The following DPYSL3 variants were observed in gnomAD, a reference collection of about 807,000 sequenced individuals.
DPYSL3 encodes dihydropyrimidinase-related protein 3.
Under a neutral mutation model 66.1 loss-of-function variants are expected in DPYSL3, and 16 were observed. That is an observed-to-expected ratio of 0.24 (90% CI 0.16 to 0.37). The LOEUF (loss-of-function observed/expected upper bound fraction) is 0.37. Among genes scored for constraint, DPYSL3 ranks in the 10% least tolerant of loss-of-function variants. The probability of loss-of-function intolerance (pLI) is 1.00; values close to 1 mark genes in which losing one functional copy is unlikely to be tolerated. For synonymous variants in DPYSL3, 338 were observed against 345.1 expected, an observed-to-expected ratio of 0.98 and a Z score of 0.23; for missense variants, 738 against 916.2, an observed-to-expected ratio of 0.81 and a Z score of 2.51.
chr5:147,428,262 A>G (rs865774699), intron 1 of DPYSL3, among the ~76,000 whole-genome samples: 13 of 152,210 alleles, frequency 8.5e-5, no homozygotes, highest in African/African-American at 2.9e-4. Flanking sequence ...ACAAATATTA[A>G]CATTATTAAT....
chr5:147,497,013 G>A (rs1450732892), intron 1 of DPYSL3, among the ~76,000 whole-genome samples: 1 of 152,056 alleles, frequency 6.6e-6, no homozygotes, highest in Non-Finnish European at 1.5e-5. Context: ...ATGTCCAACA[G>A]CGATAGACTG....
chr5:147,451,068 T>C (rs1201169766), intron 1 of DPYSL3, among the ~76,000 whole-genome samples: 1 of 152,252 alleles, frequency 6.6e-6, no homozygotes, highest in Non-Finnish European at 1.5e-5. Context: ...TAGACAACTA[T>C]AATCTTCTAT....
chr5:147,428,156 G>A (rs529611488), intron 1 of DPYSL3, among the ~76,000 whole-genome samples: 14 of 152,256 alleles, frequency 9.2e-5, no homozygotes, highest in Middle Eastern at 3.4e-3. Flanking sequence ...AATCTTTCTG[G>A]CTCAATAATC....
At chr5:147,455,831 G>A (rs1752841777) in intron 1 of DPYSL3, among the ~76,000 whole-genome samples, 1 of 151,340 alleles carries the variant, frequency 6.6e-6, no homozygotes, top group African/African-American at 2.4e-5. Flanking sequence ...TTACATCTGA[G>A]TTATCTCCTC....
intron 1 of DPYSL3, among the ~76,000 whole-genome samples, chr5:147,455,483 G>T (rs1454538629): frequency 6.6e-6 from 1 of 152,178 alleles, no homozygotes; most frequent in Non-Finnish European, 1.5e-5. Context: ...TGGGCCAAAG[G>T]CACGCCCTAA....
At chr5:147,480,147 G>A (rs558231158) in intron 1 of DPYSL3, among the ~76,000 whole-genome samples, 5 of 152,158 alleles carry the variant, frequency 3.3e-5, no homozygotes, top group South Asian at 4.1e-4. Flanking sequence ...AATAAAAGGC[G>A]AAAGAAAGGA....
intron 1 of DPYSL3, among the ~76,000 whole-genome samples, chr5:147,450,336 G>C (rs1752704480): frequency 6.6e-6 from 1 of 152,056 alleles, no homozygotes; most frequent in Non-Finnish European, 1.5e-5. Flanking sequence ...CTATTATTAG[G>C]AACAATTTTA....
chr5:147,405,817 G>A (rs1414245576), intron 7 of DPYSL3, 87 bp from the exon 8 acceptor site: 3 of 1,515,224 alleles, frequency 2.0e-6, no homozygotes, highest in Non-Finnish European at 2.7e-6. Flanking sequence ...AGGATGCAGT[G>A]CTGCACAAAG....
At chr5:147,410,005 A>C (rs1331905556) in intron 6 of DPYSL3, among the ~76,000 whole-genome samples, 3 of 152,204 alleles carry the variant, frequency 2.0e-5, no homozygotes, top group African/African-American at 4.8e-5. Flanking sequence ...GCTCTACAGA[A>C]AACAAAGAAA....
chr5:147,450,140 C>A (rs2126391729), intron 1 of DPYSL3, among the ~76,000 whole-genome samples: 1 of 152,294 alleles, frequency 6.6e-6, no homozygotes, highest in Non-Finnish European at 1.5e-5. Context: ...TGGCCTCCAA[C>A]ACTTACTAAA....
chr5:147,414,286 C>A (rs1751918232), intron 4 of DPYSL3, among the ~76,000 whole-genome samples: 1 of 152,110 alleles, frequency 6.6e-6, no homozygotes, highest in Admixed American at 6.6e-5. Flanking sequence ...ACAGATCCTA[C>A]CCTTAGGGAA....
intron 1 of DPYSL3, among the ~76,000 whole-genome samples, chr5:147,431,486 C>CATATA (rs1561785546): frequency 6.6e-6 from 1 of 152,056 alleles, no homozygotes; most frequent in East Asian, 1.9e-4. Flanking sequence ...GTGGGGCATA[C>CATATA]TATATATAAA....
intron 1 of DPYSL3, among the ~76,000 whole-genome samples, chr5:147,470,718 G>T (rs746607389): frequency 9.9e-5 from 15 of 152,044 alleles, no homozygotes; most frequent in Non-Finnish European, 1.6e-4. Context: ...CTCACATCCT[G>T]CTGTTTCCTA....
chr5:147,420,069 C>G (rs1449376992), intron 2 of DPYSL3, among the ~76,000 whole-genome samples: 2 of 152,182 alleles, frequency 1.3e-5, no homozygotes, highest in East Asian at 3.9e-4. Context: ...ATTAATCCCT[C>G]AAGGCTCAGC....
Position 147,509,089 on chromosome 5 carries a change from A to T in DPYSL3, c.381+389T>A, listed in dbSNP as rs1753720534. Among the ~76,000 whole-genome samples, 1 of 152,082 alleles carries T rather than the reference A, an allele frequency of 6.6e-6. No homozygotes were observed. Among genetic ancestry groups the T allele is most frequent in the South Asian group, 2.1e-4 (1 of 4,826 alleles). On this transcript the variant is annotated intron_variant, in intron 1 of 13. Coordinates refer to ENST00000343218, the MANE Select transcript of DPYSL3 (RefSeq NM_001197294.2). This position sits in a 1 kb window ranked among gnomAD's most constrained non-coding sequence, Gnocchi z 5.3. ...CCGTGGTGACCCGGGTTGAGATTTA[A>T]TCTAGGGCCAGAGGGGGGCAAGACA...
chr5:147,494,880 AAATAAT>A lies in DPYSL3; in HGVS notation c.381+14592_381+14597del, dbSNP rs34805887. Reference sequence around the variant, plus strand: ...GGTGACAGAGCAAGACTCCATCTCAAAATAATAATAATAATAATAATAATAATAATA... The same window carrying A: ...GGTGACAGAGCAAGACTCCATCTCAAAATAATAATAATAATAATAATAATA... On this transcript the variant is annotated intron_variant, in intron 1 of 13. Coordinates refer to ENST00000343218, the MANE Select transcript of DPYSL3 (RefSeq NM_001197294.2). Among the ~76,000 whole-genome samples, 200 of 142,430 alleles carry A rather than the reference AAATAAT, an allele frequency of 1.4e-3. 1 individual carries two copies. The highest frequency in any genetic ancestry group is 4.3e-3 in the African/African-American group (165 of 38,422). The allele number at this position is 142,430 out of a possible 152,430, so 93.4% of individuals were successfully genotyped here. A position where few individuals can be genotyped will look rare whatever the true frequency, so the allele number is the denominator to read the frequency against.
intron 1 of DPYSL3, among the ~76,000 whole-genome samples, chr5:147,438,751 GT>G (rs1230825894): frequency 6.6e-6 from 1 of 152,190 alleles, no homozygotes; most frequent in Admixed American, 6.5e-5. Flanking sequence ...ACAGTTACAT[GT>G]TTTATGTCTA....
intron 1 of DPYSL3, among the ~76,000 whole-genome samples, chr5:147,480,103 A>G (rs1753213342): frequency 6.6e-6 from 1 of 152,064 alleles, no homozygotes; most frequent in Non-Finnish European, 1.5e-5. Context: ...CTAGCTTCCT[A>G]TTAAGTTCTG....
Position 147,412,629 on chromosome 5 carries a change from C to T in DPYSL3, c.942G>A (p.Glu314=). Residue 314 remains glutamate (E), a synonymous_variant, in exon 6 of 14, where the codon GAG becomes GAA. Coordinates refer to ENST00000343218, the MANE Select transcript of DPYSL3 (RefSeq NM_001197294.2). ...TTACCTGGGCAATGATATCCCCATT[C>T]TCAGCATGAACTTGAGCAATGGCCC... ...ELGAIAQVHA[E]NGDIIAQEQT... 1 of 1,612,862 alleles carries T rather than the reference C, an allele frequency of 6.2e-7. No homozygotes were observed. The highest frequency in any genetic ancestry group is 8.5e-7 in the Non-Finnish European group (1 of 1,179,502).
Sources: gnomAD v4.1 joint callset for allele counts (sites outside exome capture counted in the v4.1 genomes callset) on GRCh38, gnomAD v4.1.1 for gene constraint, Gnocchi (gnomAD v3.1) non-coding constraint, MANE v1.5 for transcripts, NCBI Gene and HGNC (gene_info 2026-07-23, HGNC 2026-07-21) for gene names.